Variants in C20orf96 observed in about 807,000 individuals in gnomAD.
The protein encoded by C20orf96 is uncharacterized protein C20orf96.
Under a neutral mutation model 52.6 loss-of-function variants are expected in C20orf96, and 57 were observed. That is an observed-to-expected ratio of 1.08 (90% confidence interval 0.88 to 1.35). The LOEUF (loss-of-function observed/expected upper bound fraction) is 1.35, where lower values mean the gene tolerates loss of function less well. C20orf96 is among the 40% of genes most tolerant of loss of function. The probability of loss-of-function intolerance (pLI) is 0.00; values close to 1 mark genes in which losing one functional copy is unlikely to be tolerated. For missense variants in C20orf96, 478 were observed against 443.6 expected, an observed-to-expected ratio of 1.08 and a Z score of -0.70; for synonymous variants, 168 against 157.2, an observed-to-expected ratio of 1.07 and a Z score of -0.51.
At chr20:284,113 G>A in intron 3 of C20orf96, 32 bp from the exon 4 acceptor site, 1 of 1,580,336 alleles carries the variant, frequency 6.3e-7, no homozygotes. Context: ...CAGGGAGAGA[G>A]TGAGGGTCCC....
At chr20:288,158 C>CTTTCTT (rs1259666441) in intron 3 of C20orf96, among the ~76,000 whole-genome samples, 127 of 89,754 alleles carry the variant, frequency 1.4e-3, no homozygotes, top group African/African-American at 3.3e-3. Flanking sequence ...TAAATCATTT[C>CTTTCTT]TTTCTTTTTC....
At chr20:285,960 C>T (rs2012375220) in intron 3 of C20orf96, among the ~76,000 whole-genome samples, 1 of 152,104 alleles carries the variant, frequency 6.6e-6, no homozygotes, top group Non-Finnish European at 1.5e-5. Context: ...ACAAGTGAAC[C>T]ATTTGAAAAT....
rs140032098 is a variant in C20orf96, at chr20:277,337, G to C, written c.612C>G (p.Thr204=). ...AEQLNAKIEK[T]QEEVNFLSTY... is the part of the protein sequence containing the mutation. ...TGCTCAGGAAGTTCACTTCCTCCTGGGTCTTCTCAATCTTGGCATTCAGCT... is the reference window on the plus strand; with the variant it reads ...TGCTCAGGAAGTTCACTTCCTCCTGCGTCTTCTCAATCTTGGCATTCAGCT... Residue 204 remains threonine, a synonymous_variant, in exon 7 of 11, where the codon ACC becomes ACG. Coordinates refer to ENST00000360321, the MANE Select transcript of C20orf96 (RefSeq NM_153269.3). The C allele has an allele frequency of 2.1e-4, 336 of 1,614,060 alleles. No individual in the cohort carries two copies. The African/African-American group carries it at 4.1e-3, about 20-fold the overall frequency.
Position 278,344 on chromosome 20 carries a change from T to G in C20orf96, c.551A>C (p.Lys184Thr). The G allele has an allele frequency of 6.2e-7, 1 of 1,613,678 alleles. No individual in the cohort carries two copies. ...SELQEWEEKK[K>T]CKMSYLEQQA... ...GGGATTCTTACAGCTCATCTTGCAT[T>G]TCTTCTTTTCTTCCCACTCCTGAAG... Residue 184 changes from lysine to threonine, a missense_variant, in exon 6 of 11, where the codon AAA becomes ACA. Transcript: ENST00000360321.
intron 10 of C20orf96, among the ~76,000 whole-genome samples, chr20:273,972 A>G (rs1343369337): frequency 6.6e-6 from 1 of 150,888 alleles, no homozygotes; most frequent in African/African-American, 2.5e-5. Context: ...AGAAAAAGAA[A>G]GAAAAGAGAA....
chr20:289,086 A>G (rs923833707), intron 3 of C20orf96, among the ~76,000 whole-genome samples: 1 of 152,200 alleles, frequency 6.6e-6, no homozygotes, highest in Admixed American at 6.5e-5. Flanking sequence ...CCTCCTGGAA[A>G]AACAGATGGA....
intron 5 of C20orf96, among the ~76,000 whole-genome samples, chr20:278,754 CA>C (rs2012111400): frequency 6.7e-6 from 1 of 148,932 alleles, no homozygotes; most frequent in East Asian, 2.0e-4. Context: ...CTCGGGGAGG[CA>C]AAGTTAACTA....
intron 4 of C20orf96, 38 bp from the exon 5 acceptor site, chr20:279,368 C>T (rs1473994645): frequency 4.4e-6 from 7 of 1,580,702 alleles, no homozygotes; most frequent in Middle Eastern, 1.7e-4. Context: ...CGGCGCTGCG[C>T]CCTGCCCGGC....
In C20orf96 at chr20:283,983, C is replaced by T; in HGVS notation, c.286G>A (p.Ala96Thr). 2 of 1,613,772 alleles carry T rather than the reference C, an allele frequency of 1.2e-6. No homozygotes were observed. Among genetic ancestry groups the T allele is most frequent in the Non-Finnish European group, 8.5e-7 (1 of 1,179,684 alleles). The change falls in exon 4 of 11, where the codon GCC (alanine) becomes ACC (threonine). Residue 96 changes from alanine (A) to threonine (T), a missense_variant. By Grantham distance (58) the Ala-to-Thr change is moderately conservative. Coordinates refer to ENST00000360321, the MANE Select transcript of C20orf96 (RefSeq NM_153269.3). ...RRKLDPGKMH[A>T]KIWLMKTSLR... ...CATACCTTCATTAACCAGATTTTGGCATGCATCTTCCCAGGGTCCAACTTC... is the reference window on the plus strand; with the variant it reads ...CATACCTTCATTAACCAGATTTTGGTATGCATCTTCCCAGGGTCCAACTTC...
chr20:278,506 G>A (rs976175537), intron 5 of C20orf96, 77 bp from the exon 6 acceptor site: 19 of 1,087,142 alleles, frequency 1.7e-5, no homozygotes, highest in Non-Finnish European at 2.4e-5. Context: ...TTCCTCAGAG[G>A]AGTCCCCAGT....
At chr20:282,546 A>G (rs1254951847) in intron 4 of C20orf96, among the ~76,000 whole-genome samples, 1 of 152,166 alleles carries the variant, frequency 6.6e-6, no homozygotes, top group Non-Finnish European at 1.5e-5. Context: ...ATCAATCAAA[A>G]ACACCTAAAC....
At chr20:272,794 G>C (rs559624103) in intron 10 of C20orf96, among the ~76,000 whole-genome samples, 309 of 152,150 alleles carry the variant, frequency 2.0e-3, no homozygotes, top group South Asian at 2.9e-3. Flanking sequence ...TCCCTTTCCT[G>C]TACTTCCCAA....
intron 4 of C20orf96, among the ~76,000 whole-genome samples, chr20:281,186 A>AT (rs1231094009): frequency 6.6e-6 from 1 of 152,070 alleles, no homozygotes; most frequent in African/African-American, 2.4e-5. Context: ...AATAAATACA[A>AT]TTTTAAAAAA....
chr20:284,007 T>C lies in C20orf96; in HGVS notation c.262A>G (p.Lys88Glu). The stretch of plus-strand genomic sequence containing the variant: ...GCATGCATCTTCCCAGGGTCCAACT[T>C]CCGCCTTCTATGTAGTTCTCTTGGA... The part of the protein sequence containing the change: ...KNPRELHRRR[K>E]LDPGKMHAKI... The change falls in exon 4 of 11, where the codon AAG becomes GAG. Residue 88 changes from lysine (K) to glutamate (E), a missense_variant. Coordinates refer to ENST00000360321, the MANE Select transcript of C20orf96 (RefSeq NM_153269.3). 6.2e-7 allele frequency: 1 copy of C among 1,614,170 alleles called. No homozygotes were observed. The highest frequency in any genetic ancestry group is 8.5e-7 in the Non-Finnish European group (1 of 1,180,032).
intron 10 of C20orf96, 32 bp from the exon 11 acceptor site, chr20:271,299 G>A: frequency 6.6e-7 from 1 of 1,518,386 alleles, no homozygotes; most frequent in South Asian, 1.2e-5. Context: ...GGCCATGAGA[G>A]ACCAGAGGTG....
rs199683042 is a variant in C20orf96 at position 279,213 on chromosome 20, G to C, written c.424C>G (p.Leu142Val). The C allele has an allele frequency of 2.4e-5, 39 of 1,609,086 alleles. No individual in the cohort carries two copies. Among genetic ancestry groups the C allele is most frequent in the African/African-American group, 1.1e-4 (8 of 74,550 alleles). ...TGCTGCAGCAGGGCCCGCACGTGCA[G>C]GGTCGTGCTGTTCTCCATCTCCTGG... ...TIQEMENSTT[L>V]HVRALLQQQD... Residue 142 changes from leucine to valine, a missense_variant, in exon 5 of 11, where the codon CTG becomes GTG. Coordinates refer to ENST00000360321, the MANE Select transcript of C20orf96 (RefSeq NM_153269.3).
intron 4 of C20orf96, among the ~76,000 whole-genome samples, chr20:280,467 T>C (rs1397954990): frequency 1.3e-5 from 2 of 152,250 alleles, no homozygotes; most frequent in African/African-American, 4.8e-5. Context: ...GCTCTGCAGG[T>C]GGCACATGGT....
At position 277,126 on chromosome 20, in the gene C20orf96, C is replaced by G; in HGVS notation, c.743G>C (p.Gly248Ala). Residue 248 changes from glycine (G) to alanine (A), a missense_variant, in exon 8 of 11, where the codon GGT (glycine) becomes GCT (alanine). By Grantham distance (60) the Gly-to-Ala change is moderately conservative. Coordinates refer to ENST00000360321, the MANE Select transcript of C20orf96 (RefSeq NM_153269.3). ...DSQQDELDDL[G>A]EMRRKVLESL... ...TTCCAGGACCTTTCTGCGCATCTCACCGAGGTCATCCAGCTCATCCTGGGA... is the reference window on the plus strand; with the variant it reads ...TTCCAGGACCTTTCTGCGCATCTCAGCGAGGTCATCCAGCTCATCCTGGGA... 6.2e-7 allele frequency: 1 copy of G among 1,613,908 alleles called. No homozygotes were observed. Among genetic ancestry groups the G allele is most frequent in the African/African-American group, 1.3e-5 (1 of 75,038 alleles).
chr20:278,188 T>C (rs2012091138), intron 6 of C20orf96, 142 bp downstream of exon 6: 1 of 716,952 alleles, frequency 1.4e-6, no homozygotes, highest in Admixed American at 1.9e-5. Context: ...CTATTCGCTC[T>C]GTATCTTAGC....
Sources: gnomAD v4.1 joint callset for allele counts (sites outside exome capture counted in the v4.1 genomes callset) on GRCh38, gnomAD v4.1.1 for gene constraint, MANE v1.5 for transcripts, NCBI Gene and HGNC (gene_info 2026-07-23, HGNC 2026-07-21) for gene names.